The following EFCAB7 variants were observed in gnomAD, a reference collection of about 807,000 sequenced individuals.
EFCAB7 encodes the protein EF-hand calcium-binding domain-containing protein 7.
EFCAB7 carries 66 observed loss-of-function variants against 77.1 expected under a neutral mutation model. That is an observed-to-expected ratio of 0.86 (90% CI 0.70 to 1.05). EFCAB7 has a LOEUF of 1.05. Among genes scored for constraint, EFCAB7 ranks in the 50% least tolerant of loss-of-function variants. The pLI, the probability that EFCAB7 is intolerant of heterozygous loss-of-function variation, is 0.00. For synonymous variants in EFCAB7, 225 were observed against 243.3 expected (o/e 0.92, Z 0.70); for missense variants, 638 against 730.5 (o/e 0.87, Z 1.46).
In EFCAB7 at chr1:63,571,132, A is replaced by C. The variant is rs1353337156; in HGVS notation, c.1815+4A>C. The C allele has an allele frequency of 6.3e-7, 1 of 1,592,156 alleles. No homozygotes were observed. The highest frequency in any genetic ancestry group is 1.1e-5 in the South Asian group (1 of 87,758). On this transcript the variant is annotated splice_donor_region_variant and intron_variant, in intron 13 of 13. Transcript: ENST00000371088. ...AGTGGGACCCAAATCTACAATGGTA[A>C]TGTATTATTTTCTAATTAAAGCCTT...
intron 7 of EFCAB7, chr1:63,549,229 T>C: frequency 2.4e-6 from 1 of 416,072 alleles, no homozygotes; most frequent in South Asian, 1.9e-5. Context: ...GAGATTAAGG[T>C]TTAATAATGA....
chr1:63,524,984 G>A (rs1250611540), intron 1 of EFCAB7, among the ~76,000 whole-genome samples: 3 of 152,108 alleles, frequency 2.0e-5, no homozygotes, highest in African/African-American at 4.8e-5. Context: ...TGAAATGTGG[G>A]GCTGCATTAT....
chr1:63,574,007 G>C (rs1276244482), downstream of EFCAB7, among the ~76,000 whole-genome samples: 1 of 152,186 alleles, frequency 6.6e-6, no homozygotes, highest in African/African-American at 2.4e-5. Flanking sequence ...TGACAGAAGC[G>C]AAGAAATGAC....
intron 9 of EFCAB7, among the ~76,000 whole-genome samples, chr1:63,556,884 A>C (rs1048343208): frequency 6.6e-6 from 1 of 151,348 alleles, no homozygotes; most frequent in African/African-American, 2.4e-5. Flanking sequence ...AAAAAAAAAA[A>C]AAAATTAGCC....
intron 6 of EFCAB7, chr1:63,536,650 G>T (rs1487238390): frequency 6.6e-6 from 1 of 152,090 alleles, no homozygotes; most frequent in East Asian, 1.9e-4. Flanking sequence ...CAAAGTGCTG[G>T]GATTACAGAT....
chr1:63,524,809 C>CA (rs1288876251), intron 1 of EFCAB7, among the ~76,000 whole-genome samples: 3 of 152,012 alleles, frequency 2.0e-5, no homozygotes, highest in South Asian at 2.1e-4. Context: ...GTAAAACGGA[C>CA]AAAAAAATAC....
downstream of EFCAB7, among the ~76,000 whole-genome samples, chr1:63,573,032 G>A (rs147633907): frequency 0.013 from 1,939 of 152,214 alleles, 46 homozygotes; most frequent in African/African-American, 0.045. Context: ...GGCAGGAACC[G>A]GCCATCTCGA....
intron 10 of EFCAB7, among the ~76,000 whole-genome samples, chr1:63,558,358 A>G (rs1313614774): frequency 6.6e-6 from 1 of 152,202 alleles, no homozygotes; most frequent in Non-Finnish European, 1.5e-5. Flanking sequence ...TTGATAGCTT[A>G]CCATCTACCA....
chr1:63,581,627 T>G, the EFCAB7 span, among the ~76,000 whole-genome samples: 1 of 152,210 alleles, frequency 6.6e-6, no homozygotes, highest in African/African-American at 2.4e-5. Context: ...GCTAATACAG[T>G]TGACCCTTGA....
downstream of EFCAB7, among the ~76,000 whole-genome samples, chr1:63,574,868 A>G (rs1419849589): frequency 6.6e-6 from 1 of 152,336 alleles, no homozygotes. Flanking sequence ...TAAGGCAGTG[A>G]GTTCAGCTTG....
At chr1:63,553,262 T>C (rs995880872) in intron 8 of EFCAB7, among the ~76,000 whole-genome samples, 3 of 152,222 alleles carry the variant, frequency 2.0e-5, no homozygotes, top group Non-Finnish European at 2.9e-5. Context: ...ATCTGGTTTT[T>C]CACTCCTGAG....
intron 13 of EFCAB7, among the ~76,000 whole-genome samples, chr1:63,572,012 A>G (rs576329931): frequency 6.6e-6 from 1 of 152,320 alleles, no homozygotes; most frequent in East Asian, 1.9e-4. Flanking sequence ...AGAGCTACCT[A>G]CTGGGCAAGT....
chr1:63,564,839 G>A lies in EFCAB7; in HGVS notation c.1497+2982G>A, dbSNP rs528043236. Reference sequence around the variant, plus strand: ...CTACAGGGCTACAGTAACCAAAACAGCATGGTACTGGTACAAGAACAAACA... The same window carrying A: ...CTACAGGGCTACAGTAACCAAAACAACATGGTACTGGTACAAGAACAAACA... On this transcript the variant is annotated intron_variant, in intron 11 of 13. Coordinates refer to ENST00000371088, the MANE Select transcript of EFCAB7 (RefSeq NM_032437.4). 1.4e-4 allele frequency among the ~76,000 whole-genome samples: 21 copies of A among 152,312 alleles called. No homozygotes were observed. The East Asian group carries it at 4.0e-3, about 29-fold the overall frequency.
chr1:63,565,514 CA>C (rs1284785107), intron 11 of EFCAB7, among the ~76,000 whole-genome samples: 1 of 152,052 alleles, frequency 6.6e-6, no homozygotes, highest in Non-Finnish European at 1.5e-5. Context: ...GCAATTGCAA[CA>C]AAAGCAAAAA....
chr1:63,584,391 C>A, the EFCAB7 span, among the ~76,000 whole-genome samples: 1 of 151,880 alleles, frequency 6.6e-6, no homozygotes, highest in Admixed American at 6.6e-5. Context: ...ATTGTCTCTA[C>A]AAAAAATAAA....
chr1:63,557,306 T>C, intron 10 of EFCAB7, 59 bp downstream of exon 10: 1 of 1,468,584 alleles, frequency 6.8e-7, no homozygotes, highest in East Asian at 2.5e-5. Flanking sequence ...CACCTTTTCA[T>C]CTCTAAGAAA....
intron 2 of EFCAB7, chr1:63,529,094 A>G (rs910259592): frequency 2.6e-5 from 4 of 152,236 alleles, no homozygotes; most frequent in African/African-American, 9.6e-5. Flanking sequence ...GAATTAAGGA[A>G]TAGTTCATTT....
chr1:63,556,582 G>A (rs535551582), intron 9 of EFCAB7, among the ~76,000 whole-genome samples: 1 of 152,120 alleles, frequency 6.6e-6, no homozygotes, highest in Non-Finnish European at 1.5e-5. Context: ...AGTTCTTACT[G>A]TGTGTTGAGA....
chr1:63,541,666 G>A (rs79284591), intron 6 of EFCAB7, among the ~76,000 whole-genome samples: 1,926 of 152,082 alleles, frequency 0.013, 45 homozygotes, highest in African/African-American at 0.044. Flanking sequence ...CCGGTTTCAA[G>A]GAATTCTCCT....
Sources: allele counts gnomAD v4.1 joint callset (sites outside exome capture counted in the v4.1 genomes callset), GRCh38; gene constraint gnomAD v4.1.1; transcripts MANE v1.5; gene names NCBI Gene and HGNC (gene_info 2026-07-23, HGNC 2026-07-21).